Variants in RSL1D1 observed in about 807,000 individuals in gnomAD.
RSL1D1 encodes ribosomal L1 domain-containing protein 1.
A neutral mutation model predicts 44.6 loss-of-function variants in RSL1D1; 34 were observed. The observed-to-expected ratio is 0.76, with a 90% confidence interval of 0.58 to 1.02. The LOEUF (loss-of-function observed/expected upper bound fraction) is 1.02. RSL1D1 is among the 50% of genes least tolerant of loss of function. The pLI, the probability that RSL1D1 is intolerant of heterozygous loss-of-function variation, is 0.00. For missense variants in RSL1D1, 767 were observed against 568.1 expected (o/e 1.35, Z -3.56); for synonymous variants, 271 against 207.4 (o/e 1.31, Z -2.63).
At position 11,837,434 on chromosome 16, in the gene RSL1D1, T is replaced by A. The variant is rs1240314507; in HGVS notation, c.*353A>T. On this transcript the variant is annotated 3_prime_UTR_variant, in exon 9 of 9. Coordinates refer to ENST00000571133, the MANE Select transcript of RSL1D1 (RefSeq NM_015659.3). Reference sequence around the variant, plus strand: ...TGGAGTGCAGTGGCTCACTGCAACCTCCGCCTCCCAGGTTCAAGCAATTCT... The same window carrying A: ...TGGAGTGCAGTGGCTCACTGCAACCACCGCCTCCCAGGTTCAAGCAATTCT... 1 of 176,544 alleles carries A rather than the reference T, an allele frequency of 5.7e-6. No homozygotes were observed. Among genetic ancestry groups the A allele is most frequent in the Non-Finnish European group, 1.2e-5 (1 of 84,534 alleles). 10.9% of individuals were successfully genotyped at this position (176,544 alleles called of 1,614,324 possible).
chr16:11,841,744 C>T lies in RSL1D1; in HGVS notation c.806G>A (p.Ser269Asn). The T allele has an allele frequency of 1.2e-6, 2 of 1,614,010 alleles. No individual in the cohort carries two copies. Among genetic ancestry groups the T allele is most frequent in the Non-Finnish European group, 1.7e-6 (2 of 1,179,948 alleles). ...TCTTTTGGTGGCTTCATCCCAATTG[C>T]TGACAAACGAGGAAAAGATGGGAAG... ...AALPIFSSFV[S>N]NWDEATKRSL... Residue 269 changes from serine (S) to asparagine (N), a missense_variant, in exon 7 of 9, where the codon AGC becomes AAC. By Grantham distance (46) the Ser-to-Asn change is conservative. Transcript: ENST00000571133.
Position 11,846,529 on chromosome 16 carries a change from A to C in RSL1D1, c.607T>G (p.Leu203Val). ...EINDCIGGTV[L>V]NISKSGSCSA... ...CAAGAACCACTTTTAGAAATGTTTA[A>C]GACTGTTCCACCTATACAGTCATTG... The change falls in exon 5 of 9, where the codon TTA becomes GTA. Residue 203 changes from leucine to valine, a missense_variant. Physicochemically the swap from Leu to Val is conservative, Grantham distance 32. Transcript: ENST00000571133. The C allele has an allele frequency of 6.3e-7, 1 of 1,595,718 alleles. No individual in the cohort carries two copies. Among genetic ancestry groups the C allele is most frequent in the Non-Finnish European group, 8.5e-7 (1 of 1,171,384 alleles).
chr16:11,850,363 T>TA lies in RSL1D1; in HGVS notation c.160dup (p.Tyr54LeufsTer7). The TA allele has an allele frequency of 6.2e-7, 1 of 1,601,232 alleles. No individual in the cohort carries two copies. Reference sequence around the variant, plus strand: ...TTCATTCTCATTCAAAAGCAACCCATAATTGTTTTTCCTGGACTTGCAATG... The same window carrying TA: ...TTCATTCTCATTCAAAAGCAACCCATAAATTGTTTTTCCTGGACTTGCAATG... On this transcript the variant is annotated frameshift_variant, in exon 2 of 9. Coordinates refer to ENST00000571133, the MANE Select transcript of RSL1D1 (RefSeq NM_015659.3). LOFTEE classifies it high-confidence loss of function.
In RSL1D1 at chr16:11,833,869, TTAATTATTACGATTCC is replaced by T. The variant is rs1447099655; in HGVS notation, c.*3902_*3917del. ...CATTCATGGCATTTAAAATGAAATT[TTAATTATTACGATTCC>T]TAAAAAACAAATGAACTAAAACTCA... is the stretch of plus-strand genomic sequence containing the variant. On this transcript the variant is annotated 3_prime_UTR_variant, in exon 9 of 9. Coordinates refer to ENST00000571133, the MANE Select transcript of RSL1D1 (RefSeq NM_015659.3). 2 of 151,346 alleles carry T rather than the reference TTAATTATTACGATTCC, an allele frequency of 1.3e-5. No homozygotes were observed. Among genetic ancestry groups the T allele is most frequent in the African/African-American group, 4.9e-5 (2 of 41,170 alleles). 9.4% of individuals were successfully genotyped at this position (151,346 alleles called of 1,614,324 possible). A position where few individuals can be genotyped will look rare whatever the true frequency, so the allele number is the denominator to read the frequency against.
rs374820045 is a variant in RSL1D1, at chr16:11,846,711, A to T, written c.517T>A (p.Phe173Ile). 9 of 1,613,800 alleles carry T rather than the reference A, an allele frequency of 5.6e-6. No individual in the cohort carries two copies. Among genetic ancestry groups the T allele is most frequent in the Non-Finnish European group, 6.8e-6 (8 of 1,179,958 alleles). The change falls in exon 4 of 9, where the codon TTC becomes ATC. Residue 173 changes from phenylalanine (F) to isoleucine (I), a missense_variant. Coordinates refer to ENST00000571133, the MANE Select transcript of RSL1D1 (RefSeq NM_015659.3). ...RLLPSLIGRH[F>I]YQRKKVPVSV... is the part of the protein sequence containing the mutation. ...GAAACTTACTTCTTTCTTTGATAGA[A>T]ATGTCTCCCAATGAGTGAGGGTAAG...
At chr16:11,843,394 A>G (rs1216942413) in intron 5 of RSL1D1, among the ~76,000 whole-genome samples, 1 of 151,842 alleles carries the variant, frequency 6.6e-6, no homozygotes. Flanking sequence ...AAGAGCTGGT[A>G]GCACCTGACT....
At position 11,849,378 on chromosome 16, in the gene RSL1D1, T is replaced by C. The variant is rs553316044; in HGVS notation, c.245+901A>G. ...ACTCCAGCTGGGCAACAGCGCAAGATCTCGTCTCTTAAAAAAAAAAAAAAA... is the reference window on the plus strand; with the variant it reads ...ACTCCAGCTGGGCAACAGCGCAAGACCTCGTCTCTTAAAAAAAAAAAAAAA... On this transcript the variant is annotated intron_variant, in intron 2 of 8. Transcript: ENST00000571133. 8 of 133,250 alleles carry C rather than the reference T, an allele frequency of 6.0e-5. No individual in the cohort carries two copies. The East Asian group carries it at 1.7e-3, about 28-fold the overall frequency. The allele number at this position is 133,250 out of a possible 1,614,324, so 8.3% of individuals were successfully genotyped here.
intron 5 of RSL1D1, 60 bp from the exon 6 acceptor site, chr16:11,842,060 G>C: frequency 8.4e-7 from 1 of 1,183,606 alleles, no homozygotes; most frequent in Non-Finnish European, 1.2e-6. Context: ...AATAAACCAG[G>C]CAGGTATATG....
chr16:11,850,213 A>G (rs1351399559), intron 2 of RSL1D1, 66 bp downstream of exon 2: 1 of 1,435,428 alleles, frequency 7.0e-7, no homozygotes, highest in Non-Finnish European at 9.3e-7. Flanking sequence ...ACCATGATGC[A>G]ATTGTTCGAG....
rs1199828563 is a variant in RSL1D1 at position 11,847,743 on chromosome 16, G to C, written c.309C>G (p.Pro103=). ...EDICLFTKDE[P]NSTPEKTEQF... The stretch of plus-strand genomic sequence containing the variant: ...GTTCTGTCTTTTCAGGAGTTGAATT[G>C]GGTTCATCCTTCGTAAATAAACAGA... Residue 103 remains proline (P), a synonymous_variant, in exon 3 of 9, where the codon CCC becomes CCG. Coordinates refer to ENST00000571133, the MANE Select transcript of RSL1D1 (RefSeq NM_015659.3). 1.9e-6 allele frequency: 3 copies of C among 1,612,594 alleles called. No individual in the cohort carries two copies. The highest frequency in any genetic ancestry group is 2.5e-6 in the Non-Finnish European group (3 of 1,178,780).
Position 11,851,533 on chromosome 16 carries a change from A to G in RSL1D1, c.-21T>C. ...TCCATCTTGTTTCCACCTCGTGAAG[A>G]GGCGCGTGTGCAACCCCACTGCTGG... On this transcript the variant is annotated 5_prime_UTR_variant, in exon 1 of 9. Transcript: ENST00000571133. 6.2e-7 allele frequency: 1 copy of G among 1,610,468 alleles called. No homozygotes were observed. The highest frequency in any genetic ancestry group is 1.1e-5 in the South Asian group (1 of 90,838).
At chr16:11,846,657 T>G in intron 4 of RSL1D1, 38 bp downstream of exon 4, 1 of 1,612,274 alleles carries the variant, frequency 6.2e-7, no homozygotes, top group Non-Finnish European at 8.5e-7. Context: ...CCTAGAAGCT[T>G]CATGCTGCTA....
rs777358046 is a variant in RSL1D1 at position 11,846,851 on chromosome 16, G to A, written c.385-8C>T. 3.3e-5 allele frequency: 53 copies of A among 1,584,718 alleles called. No individual in the cohort carries two copies. The highest frequency in any genetic ancestry group is 4.1e-5 in the Non-Finnish European group (48 of 1,160,340). ...AGTTTGGAGGGAGATAATCTAGGAA[G>A]TATAGAGAAGAATAAAAACAAGAAG... On this transcript the variant is annotated splice_region_variant and splice_polypyrimidine_tract_variant and intron_variant, in intron 3 of 8. Transcript: ENST00000571133.
chr16:11,841,847 T>C, intron 6 of RSL1D1, 27 bp from the exon 7 acceptor site: 6 of 1,612,888 alleles, frequency 3.7e-6, no homozygotes, highest in African/African-American at 1.3e-5. Flanking sequence ...AGTAACATCG[T>C]CTACATATAC....
intron 8 of RSL1D1, among the ~76,000 whole-genome samples, 168 bp downstream of exon 8, chr16:11,839,527 A>G (rs1040849605): frequency 1.3e-4 from 3 of 22,412 alleles, no homozygotes; most frequent in Non-Finnish European, 3.6e-4. Context: ...GATCCCATCT[A>G]AAAAAAAAAA....
rs775218429 is a variant in RSL1D1, at chr16:11,838,014, G to A, written c.1246C>T (p.Pro416Ser). The part of the protein sequence containing the change: ...KRKALPASET[P>S]KAAESETPGK... Reference sequence around the variant, plus strand: ...GGGGTCTCAGACTCTGCAGCTTTTGGGGTCTCAGATGCTGGCAAAGCCTTT... The same window carrying A: ...GGGGTCTCAGACTCTGCAGCTTTTGAGGTCTCAGATGCTGGCAAAGCCTTT... The change falls in exon 9 of 9, where the codon CCA becomes TCA. Residue 416 changes from proline (P) to serine (S), a missense_variant. Physicochemically the swap from Pro to Ser is moderately conservative, Grantham distance 74. Coordinates refer to ENST00000571133, the MANE Select transcript of RSL1D1 (RefSeq NM_015659.3). 1.9e-6 allele frequency: 3 copies of A among 1,613,842 alleles called. No individual in the cohort carries two copies. The highest frequency in any genetic ancestry group is 2.5e-6 in the Non-Finnish European group (3 of 1,179,974).
At chr16:11,840,624 T>TAGGAGATC (rs2053758793) in intron 7 of RSL1D1, among the ~76,000 whole-genome samples, 1 of 152,146 alleles carries the variant, frequency 6.6e-6, no homozygotes, top group Non-Finnish European at 1.5e-5. Context: ...AGAGAAACAC[T>TAGGAGATC]AGGAGATCAG....
At chr16:11,846,433 A>T (rs560962563) in intron 5 of RSL1D1, 68 bp downstream of exon 5, 1 of 868,844 alleles carries the variant, frequency 1.2e-6, no homozygotes, top group East Asian at 2.5e-5. Context: ...AACAAAACGA[A>T]TAAGTATATA....
intron 2 of RSL1D1, among the ~76,000 whole-genome samples, chr16:11,849,564 G>A (rs2053822509): frequency 6.6e-6 from 1 of 152,076 alleles, no homozygotes; most frequent in African/African-American, 2.4e-5. Flanking sequence ...AATCACCATG[G>A]ATTTCTTTTC....
Sources: allele counts gnomAD v4.1 joint callset (sites outside exome capture counted in the v4.1 genomes callset), GRCh38; gene constraint gnomAD v4.1.1; transcripts MANE v1.5; gene names NCBI Gene and HGNC (gene_info 2026-07-23, HGNC 2026-07-21).